Variants in ZNF804B observed in about 807,000 individuals in gnomAD.
ZNF804B encodes the protein zinc finger 804B.
In ZNF804B, 80 loss-of-function variants were observed where a neutral mutation model predicts 101.4. The observed-to-expected ratio is 0.79, with a 90% confidence interval of 0.66 to 0.95. ZNF804B has a LOEUF of 0.95. ZNF804B is among the 40% of genes least tolerant of loss of function. The pLI, the probability that ZNF804B is intolerant of heterozygous loss-of-function variation, is 0.00. For missense variants in ZNF804B, 1,673 were observed against 1,561.9 expected (o/e 1.07, Z -1.20); for synonymous variants, 622 against 558.8 (o/e 1.11, Z -1.59).
chr7:89,333,704 A>C lies in ZNF804B; in HGVS notation c.722A>C (p.Asn241Thr), dbSNP rs1791022825. The C allele has an allele frequency of 1.2e-6, 2 of 1,613,552 alleles. No individual in the cohort carries two copies. The highest frequency in any genetic ancestry group is 1.3e-5 in the African/African-American group (1 of 75,014). The change falls in exon 4 of 4, where the codon AAC becomes ACC. Residue 241 changes from asparagine (N) to threonine (T), a missense_variant. By Grantham distance (65) the Asn-to-Thr change is moderately conservative. Transcript: ENST00000333190. ...TCTTCAGCATCAGTTTTCAGTGAGAACACAGAAGAAACCCATGATTGTAAC... is the reference window on the plus strand; with the variant it reads ...TCTTCAGCATCAGTTTTCAGTGAGACCACAGAAGAAACCCATGATTGTAAC... ...LESSASVFSE[N>T]TEETHDCNKS...
intron 2 of ZNF804B, among the ~76,000 whole-genome samples, chr7:89,234,604 T>C (rs976117824): frequency 2.6e-5 from 4 of 152,136 alleles, no homozygotes; most frequent in African/African-American, 7.2e-5. Flanking sequence ...ACAGGACCAA[T>C]AGAAACAAGC....
intron 1 of ZNF804B, among the ~76,000 whole-genome samples, chr7:88,954,366 G>A (rs1793270322): frequency 6.6e-6 from 1 of 151,568 alleles, no homozygotes; most frequent in Non-Finnish European, 1.5e-5. Context: ...ATAATTGAGG[G>A]TAACCGAAAA....
chr7:88,928,086 C>T (rs1231963832), intron 1 of ZNF804B, among the ~76,000 whole-genome samples: 1 of 152,050 alleles, frequency 6.6e-6, no homozygotes, highest in Non-Finnish European at 1.5e-5. Context: ...TTTTGTTGAC[C>T]AGTCTTCCAG....
intron 1 of ZNF804B, among the ~76,000 whole-genome samples, chr7:89,088,471 T>C (rs1448258774): frequency 6.6e-6 from 1 of 151,654 alleles, no homozygotes; most frequent in Non-Finnish European, 1.5e-5. Context: ...TTGTAATTAA[T>C]TTTCAAAAAG....
chr7:88,999,329 A>G (rs114399851), intron 1 of ZNF804B, among the ~76,000 whole-genome samples: 2,562 of 152,144 alleles, frequency 0.017, 32 homozygotes, highest in South Asian at 0.03. Flanking sequence ...TTTTTGTTTC[A>G]GTCTGAAGAC....
chr7:88,908,429 A>C (rs1584010397), intron 1 of ZNF804B, among the ~76,000 whole-genome samples: 1 of 151,906 alleles, frequency 6.6e-6, no homozygotes, highest in East Asian at 1.9e-4. Context: ...TTCACAGATG[A>C]CTAAAACAAT....
intron 2 of ZNF804B, among the ~76,000 whole-genome samples, chr7:89,219,425 C>G (rs889707915): frequency 1.1e-4 from 16 of 151,570 alleles, no homozygotes; most frequent in Non-Finnish European, 2.9e-5. Context: ...AGGGAAAAGC[C>G]TAGGGGTAAT....
At position 89,330,269 on chromosome 7, in the gene ZNF804B, C is replaced by T. The variant is rs972246212; in HGVS notation, c.380+2795C>T. 4.6e-5 allele frequency among the ~76,000 whole-genome samples: 7 copies of T among 151,510 alleles called. No homozygotes were observed. The East Asian group carries it at 7.8e-4, about 17-fold the overall frequency. On this transcript the variant is annotated intron_variant, in intron 3 of 3. Transcript: ENST00000333190. ...TATTGTTCAAAGTTTATAAACTTTCCGATGTAAGATGAATAAGTTTTGAGG... is the reference window on the plus strand; with the variant it reads ...TATTGTTCAAAGTTTATAAACTTTCTGATGTAAGATGAATAAGTTTTGAGG...
chr7:89,013,596 T>C (rs777138921), intron 1 of ZNF804B, among the ~76,000 whole-genome samples: 3 of 152,250 alleles, frequency 2.0e-5, no homozygotes, highest in Non-Finnish European at 4.4e-5. Context: ...AACAGGTTAA[T>C]ATTCACAGCA....
chr7:88,947,041 T>A (rs1307688293), intron 1 of ZNF804B, among the ~76,000 whole-genome samples: 3 of 151,930 alleles, frequency 2.0e-5, no homozygotes, highest in Admixed American at 2.0e-4. Context: ...ATATAGAGAA[T>A]TAGGAATGCT....
intron 1 of ZNF804B, among the ~76,000 whole-genome samples, chr7:88,986,030 G>A (rs554683613): frequency 6.6e-6 from 1 of 152,140 alleles, no homozygotes; most frequent in East Asian, 1.9e-4. Context: ...TTATTTCTCT[G>A]GATGGATCCT....
intron 1 of ZNF804B, among the ~76,000 whole-genome samples, chr7:88,921,676 G>C (rs1482816149): frequency 6.6e-6 from 1 of 151,958 alleles, no homozygotes; most frequent in African/African-American, 2.4e-5. Flanking sequence ...TTACTAGAGG[G>C]TGAGACTAGG....
chr7:89,303,482 G>T (rs1790515004), intron 2 of ZNF804B, among the ~76,000 whole-genome samples: 1 of 151,934 alleles, frequency 6.6e-6, no homozygotes, highest in Non-Finnish European at 1.5e-5. Flanking sequence ...GGGCTCAGGA[G>T]TCAAGCAGCT....
At position 89,333,460 on chromosome 7, in the gene ZNF804B, T is replaced by G; in HGVS notation, c.478T>G (p.Ser160Ala). Residue 160 changes from serine to alanine, a missense_variant, in exon 4 of 4, where the codon TCA becomes GCA. By Grantham distance (99) the Ser-to-Ala change is moderately conservative. Transcript: ENST00000333190. ...IFPIKNGRKV[S>A]CMKSALLLKG... ...CCCCATTAAGAATGGCAGAAAGGTA[T>G]CATGCATGAAGAGTGCTCTTCTCCT... is the stretch of plus-strand genomic sequence containing the variant. 6.2e-7 allele frequency: 1 copy of G among 1,613,158 alleles called. No homozygotes were observed. The highest frequency in any genetic ancestry group is 8.5e-7 in the Non-Finnish European group (1 of 1,179,504).
intron 2 of ZNF804B, among the ~76,000 whole-genome samples, chr7:89,318,583 C>G (rs994290021): frequency 2.0e-5 from 3 of 152,080 alleles, no homozygotes; most frequent in African/African-American, 7.2e-5. Context: ...GCCAACATGG[C>G]GAAACCCTGT....
At chr7:89,126,876 G>T (rs927476157) in intron 1 of ZNF804B, among the ~76,000 whole-genome samples, 7 of 151,920 alleles carry the variant, frequency 4.6e-5, no homozygotes, top group African/African-American at 1.7e-4. Context: ...CACACAGATA[G>T]ATTTAACTTT....
At chr7:89,169,681 A>T (rs1791197024) in intron 1 of ZNF804B, among the ~76,000 whole-genome samples, 1 of 152,218 alleles carries the variant, frequency 6.6e-6, no homozygotes, top group South Asian at 2.1e-4. Flanking sequence ...GAAAGCACTG[A>T]ACCTAGTTTT....
At chr7:88,834,606 G>A (rs1373839130) in intron 1 of ZNF804B, among the ~76,000 whole-genome samples, 2 of 151,172 alleles carry the variant, frequency 1.3e-5, no homozygotes, top group African/African-American at 2.4e-5. Flanking sequence ...ATGGTATTAT[G>A]GGTTTTTATA....
chr7:88,952,808 G>T (rs1227254158), intron 1 of ZNF804B, among the ~76,000 whole-genome samples: 1 of 151,660 alleles, frequency 6.6e-6, no homozygotes, highest in Non-Finnish European at 1.5e-5. Context: ...GGTTTCTAAA[G>T]AATAAAAACA....
Sources: gnomAD v4.1 joint callset for allele counts (sites outside exome capture counted in the v4.1 genomes callset) on GRCh38, gnomAD v4.1.1 for gene constraint, MANE v1.5 for transcripts, NCBI Gene and HGNC (gene_info 2026-07-23, HGNC 2026-07-21) for gene names.